Variants in C6orf120 observed in about 807,000 individuals in gnomAD.
The protein encoded by C6orf120 is chromosome 6 open reading frame 120.
For missense variants in C6orf120, 311 were observed against 264.2 expected, an observed-to-expected ratio of 1.18 and a Z score of -1.23; for synonymous variants, 165 against 123.1, an observed-to-expected ratio of 1.34 and a Z score of -2.25.
exon 1 of C6orf120, chr6:169,703,072 C>CA (rs1788510988): frequency 6.6e-7 from 1 of 1,525,062 alleles, no homozygotes; most frequent in Non-Finnish European, 8.9e-7. Flanking sequence ...AACCCTCCAT[C>CA]TGTGAAGCTG....
chr6:169,702,465 C>A (rs1168071018), exon 1 of C6orf120: 3 of 1,543,746 alleles, frequency 1.9e-6, no homozygotes, highest in Non-Finnish European at 2.6e-6. Context: ...CAGCCATGGC[C>A]GCTCCCCGCG....
At chr6:169,703,073 T>C in exon 1 of C6orf120, 2 of 1,525,304 alleles carry the variant, frequency 1.3e-6, no homozygotes, top group Admixed American at 2.0e-5. Flanking sequence ...ACCCTCCATC[T>C]GTGAAGCTGA....
downstream of C6orf120, chr6:169,705,141 A>G (rs779093856): frequency 1.2e-6 from 2 of 1,606,182 alleles, no homozygotes; most frequent in Non-Finnish European, 1.7e-6. Flanking sequence ...ACCTGATGGA[A>G]TAGCACCAAG....
exon 1 of C6orf120, chr6:169,702,867 C>T (rs1788463079): frequency 6.2e-7 from 1 of 1,611,922 alleles, no homozygotes; most frequent in Non-Finnish European, 8.5e-7. Context: ...TGTACTACGA[C>T]GGCACGGTCG....
At chr6:169,703,693 A>C (rs1486351709) in exon 1 of C6orf120, 1 of 358,548 alleles carries the variant, frequency 2.8e-6, no homozygotes, top group East Asian at 6.3e-5. Context: ...GGTAGGCCGG[A>C]AACAATGTAG....
chr6:169,705,976 A>G (rs1305493065), downstream of C6orf120, among the ~76,000 whole-genome samples: 1 of 152,224 alleles, frequency 6.6e-6, no homozygotes, highest in Non-Finnish European at 1.5e-5. Flanking sequence ...TACTCCCTAC[A>G]TGCACAGTAA....
At chr6:169,702,229 C>G in exon 1 of C6orf120, 3 of 689,634 alleles carry the variant, frequency 4.4e-6, no homozygotes, top group Non-Finnish European at 5.3e-6. Context: ...GGCCCTGCCC[C>G]TGCCCCTGCC....
At chr6:169,705,196 ACAT>A, downstream of C6orf120, 3 of 1,613,914 alleles carry the variant, frequency 1.9e-6, no homozygotes, top group Non-Finnish European at 2.5e-6. Context: ...ATATCACAGA[ACAT>A]CATTTCTTCT....
downstream of C6orf120, chr6:169,705,783 AG>A: frequency 1.1e-6 from 1 of 871,780 alleles, no homozygotes; most frequent in East Asian, 2.4e-5. Flanking sequence ...TGGGTTTAAA[AG>A]GAATTCTGTT....
At chr6:169,704,058 G>C in exon 1 of C6orf120, 1 of 1,582,492 alleles carries the variant, frequency 6.3e-7, no homozygotes, top group Non-Finnish European at 8.5e-7. Context: ...TGTTGGGGGG[G>C]CCCGCTGACA....
In C6orf120 at chr6:169,703,847, T is replaced by TA. The variant is rs200244638; in HGVS notation, c.*813dup. The TA allele has an allele frequency of 6.6e-3, 3,948 of 599,734 alleles. 26 individuals carry two copies. Among genetic ancestry groups the TA allele is most frequent in the African/African-American group, 0.011 (573 of 50,562 alleles). 37.2% of individuals were successfully genotyped at this position (599,734 alleles called of 1,614,324 possible). A position where few individuals can be genotyped will look rare whatever the true frequency, so the allele number is the denominator to read the frequency against. On this transcript the variant is annotated 3_prime_UTR_variant, in exon 1 of 1. Coordinates refer to ENST00000332290, the Ensembl canonical transcript of C6orf120. ...GGAAGATGAATTCTCTACCTGGAGT[T>TA]AGTTTCGAGAGTAAGCGTAGCTTTT...
exon 1 of C6orf120, chr6:169,703,916 A>G (rs1788641652): frequency 8.9e-7 from 1 of 1,126,892 alleles, no homozygotes; most frequent in Non-Finnish European, 1.3e-6. Context: ...TTGCAAAAAA[A>G]ATCTTTTATT....
At chr6:169,704,033 G>A in exon 1 of C6orf120, 2 of 1,599,096 alleles carry the variant, frequency 1.3e-6, no homozygotes, top group South Asian at 1.1e-5. Flanking sequence ...TCCCCCTTCT[G>A]CCCACTTTCC....
chr6:169,705,746 A>G (rs1788761799), downstream of C6orf120: 12 of 1,127,684 alleles, frequency 1.1e-5, no homozygotes, highest in Non-Finnish European at 1.6e-5. Context: ...GAAGAGGGCT[A>G]TAAATTCATG....
chr6:169,704,324 C>T (rs1292195827), exon 1 of C6orf120: 9 of 461,234 alleles, frequency 2.0e-5, no homozygotes, highest in South Asian at 5.3e-5. Flanking sequence ...CAATGCCATA[C>T]GGTGATACGG....
At chr6:169,702,147 C>A (rs556309964), upstream of C6orf120, 25 of 607,004 alleles carry the variant, frequency 4.1e-5, no homozygotes, top group African/African-American at 4.2e-4. Flanking sequence ...CGGCGAGGCT[C>A]CGGCCTCGGG....
chr6:169,705,245 A>G, downstream of C6orf120: 1 of 1,613,234 alleles, frequency 6.2e-7, no homozygotes, highest in Non-Finnish European at 8.5e-7. Context: ...TGCATGTTTT[A>G]CATTCCATAC....
chr6:169,704,061 C>T (rs766380847), exon 1 of C6orf120: 28 of 1,580,998 alleles, frequency 1.8e-5, no homozygotes, highest in Admixed American at 4.0e-5. Context: ...TGGGGGGGCC[C>T]GCTGACAACA....
chr6:169,702,802 G>A (rs1382006211), exon 1 of C6orf120: 2 of 1,613,012 alleles, frequency 1.2e-6, no homozygotes, highest in Admixed American at 1.7e-5. Flanking sequence ...GCGCCCAGTG[G>A]GCATCGGCGT....
Sources: allele counts gnomAD v4.1 joint callset (sites outside exome capture counted in the v4.1 genomes callset), GRCh38; gene constraint gnomAD v4.1.1; transcripts MANE v1.5; gene names NCBI Gene and HGNC (gene_info 2026-07-23, HGNC 2026-07-21).